Variants in IGF1R observed in about 807,000 individuals in gnomAD.
The protein encoded by IGF1R is insulin like growth factor 1 receptor.
In IGF1R, 44 loss-of-function variants were observed where a neutral mutation model predicts 144.6. The observed-to-expected ratio is 0.30, with a 90% CI of 0.24 to 0.39. The LOEUF (loss-of-function observed/expected upper bound fraction) is 0.39. Among genes scored for constraint, IGF1R ranks in the 10% least tolerant of loss-of-function variants. IGF1R has a pLI of 1.00. For synonymous variants in IGF1R, 795 were observed against 722.8 expected (o/e 1.10, Z -1.60); for missense variants, 1,355 against 1,833.7 (o/e 0.74, Z 4.77).
intron 5 of IGF1R, among the ~76,000 whole-genome samples, chr15:98,900,982 T>G (rs2014453155): frequency 6.6e-6 from 1 of 152,246 alleles, no homozygotes; most frequent in African/African-American, 2.4e-5. Context: ...GAGGAGAGTT[T>G]AATTAATTTC....
rs558124934 is a variant in IGF1R at position 98,707,468 on chromosome 15, A to C, written c.95-94A>C. ...AACCTCATTTCTTTAATAATAATACAGGATTCCTGAAAACCAACTGTATTA... is the reference window on the plus strand; with the variant it reads ...AACCTCATTTCTTTAATAATAATACCGGATTCCTGAAAACCAACTGTATTA... On this transcript the variant is annotated intron_variant, in intron 1 of 20. Transcript: ENST00000650285. This position sits in a 1 kb window ranked among gnomAD's most constrained non-coding sequence, Gnocchi z 6.7. The C allele has an allele frequency of 8.1e-7, 1 of 1,233,974 alleles. No individual in the cohort carries two copies. Among genetic ancestry groups the C allele is most frequent in the Non-Finnish European group, 1.2e-6 (1 of 858,866 alleles). 76.4% of individuals were successfully genotyped at this position (1,233,974 alleles called of 1,614,324 possible).
chr15:98,885,902 C>T (rs1361061916), intron 2 of IGF1R, among the ~76,000 whole-genome samples: 5 of 151,402 alleles, frequency 3.3e-5, no homozygotes, highest in South Asian at 2.1e-4. Flanking sequence ...CTGCAACCTC[C>T]GCCTCCTGGG....
intron 2 of IGF1R, among the ~76,000 whole-genome samples, chr15:98,845,494 C>G (rs2011285114): frequency 8.1e-6 from 1 of 123,786 alleles, no homozygotes; most frequent in African/African-American, 3.0e-5. Context: ...CTCCTCCTTC[C>G]TTCTCCTCCT....
intron 2 of IGF1R, among the ~76,000 whole-genome samples, chr15:98,821,410 T>C (rs908281909): frequency 6.6e-6 from 1 of 152,114 alleles, no homozygotes; most frequent in Non-Finnish European, 1.5e-5. Context: ...TAATAGTAAG[T>C]AGACCGTGAA....
intron 1 of IGF1R, among the ~76,000 whole-genome samples, chr15:98,668,280 G>A (rs1188085658): frequency 6.6e-6 from 1 of 152,144 alleles, no homozygotes; most frequent in African/African-American, 2.4e-5. Context: ...GTATCTGGGG[G>A]TTGGGGCTTC....
At chr15:98,701,582 T>C (rs938133306) in intron 1 of IGF1R, among the ~76,000 whole-genome samples, 2 of 152,106 alleles carry the variant, frequency 1.3e-5, no homozygotes, top group African/African-American at 2.4e-5. Context: ...CCCGTGATCC[T>C]ACCGCCTCGG....
At chr15:98,924,890 C>G (rs918789150) in intron 13 of IGF1R, among the ~76,000 whole-genome samples, 4 of 152,090 alleles carry the variant, frequency 2.6e-5, no homozygotes, top group Admixed American at 1.3e-4. Context: ...GGGCTCCTAC[C>G]TCATGTGGCA....
At chr15:98,672,280 T>A (rs1473686683) in intron 1 of IGF1R, among the ~76,000 whole-genome samples, 2 of 152,182 alleles carry the variant, frequency 1.3e-5, no homozygotes, top group Non-Finnish European at 2.9e-5. Flanking sequence ...AAAATGTAGA[T>A]AAGGCTGGGT....
chr15:98,818,924 G>C (rs2056751556), intron 2 of IGF1R, among the ~76,000 whole-genome samples: 1 of 152,204 alleles, frequency 6.6e-6, no homozygotes, highest in Admixed American at 6.5e-5. Context: ...AGCCTGAAGG[G>C]AATGGAGACT....
chr15:98,836,524 A>T (rs981289368), intron 2 of IGF1R, among the ~76,000 whole-genome samples: 46 of 128,946 alleles, frequency 3.6e-4, no homozygotes, highest in Non-Finnish European at 5.3e-4. Context: ...GTCTCTTTAA[A>T]AAAAAAAAAA....
chr15:98,837,634 C>T (rs900331548), intron 2 of IGF1R, among the ~76,000 whole-genome samples: 6 of 150,938 alleles, frequency 4.0e-5, no homozygotes, highest in African/African-American at 1.5e-4. Flanking sequence ...GGCCAAGGTC[C>T]TGTTTCTCAT....
intron 2 of IGF1R, among the ~76,000 whole-genome samples, chr15:98,710,623 A>G (rs1405501636): frequency 2.0e-5 from 3 of 152,030 alleles, no homozygotes; most frequent in African/African-American, 7.2e-5. Context: ...TATTAGATTA[A>G]GTAAAATGTG....
At chr15:98,790,343 C>G (rs117634000) in intron 2 of IGF1R, among the ~76,000 whole-genome samples, 5 of 152,186 alleles carry the variant, frequency 3.3e-5, no homozygotes, top group African/African-American at 1.2e-4. Flanking sequence ...TTTGTCCTCC[C>G]TCTTCTTACA....
At chr15:98,713,060 G>A (rs926874915) in intron 2 of IGF1R, among the ~76,000 whole-genome samples, 14 of 151,612 alleles carry the variant, frequency 9.2e-5, no homozygotes, top group Non-Finnish European at 1.6e-4. Context: ...ACTCCCTCCC[G>A]CCTGCCTGCT....
chr15:98,828,682 C>G (rs938053500), intron 2 of IGF1R, among the ~76,000 whole-genome samples: 4 of 151,644 alleles, frequency 2.6e-5, no homozygotes, highest in African/African-American at 9.7e-5. Flanking sequence ...TCTGTGAAGA[C>G]ACACAGACAT....
chr15:98,689,912 T>A (rs1218987719), intron 1 of IGF1R, among the ~76,000 whole-genome samples: 4 of 152,174 alleles, frequency 2.6e-5, no homozygotes, highest in African/African-American at 9.7e-5. Context: ...AGGAGAGGGA[T>A]CCTGTGCCAT....
rs765660217 is a variant in IGF1R at position 98,913,138 on chromosome 15, G to T, written c.1684G>T (p.Val562Leu). 3.7e-6 allele frequency: 6 copies of T among 1,614,230 alleles called. No homozygotes were observed. The highest frequency in any genetic ancestry group is 1.1e-5 in the South Asian group (1 of 91,092). The change falls in exon 8 of 21, where the codon GTG (valine) becomes TTG (leucine). Residue 562 changes from valine to leucine, a missense_variant. Val to Leu is a conservative substitution (Grantham distance 32, BLOSUM62 1). Coordinates refer to ENST00000650285, the MANE Select transcript of IGF1R (RefSeq NM_000875.5). Reference sequence around the variant, plus strand: ...CGTGGACCTCCCGCCCAACAAGGACGTGGAGCCCGGCATCTTACTACATGG... The same window carrying T: ...CGTGGACCTCCCGCCCAACAAGGACTTGGAGCCCGGCATCTTACTACATGG... ...VDVDLPPNKD[V>L]EPGILLHGLK...
In IGF1R at chr15:98,960,450, G is replaced by C. The variant is rs998002958; in HGVS notation, c.*3008G>C. On this transcript the variant is annotated 3_prime_UTR_variant, in exon 21 of 21. Transcript: ENST00000650285. ...GTTGTCTTTGGAACAAACTGCTTCT[G>C]TGCAGATGGAATGACCAACACATTT... The C allele has an allele frequency of 4.4e-6, 1 of 227,846 alleles. No homozygotes were observed. The highest frequency in any genetic ancestry group is 8.7e-6 in the Non-Finnish European group (1 of 115,074). The allele number at this position is 227,846 out of a possible 1,614,324, so 14.1% of individuals were successfully genotyped here.
At chr15:98,804,580 C>T (rs929617424) in intron 2 of IGF1R, among the ~76,000 whole-genome samples, 1 of 152,136 alleles carries the variant, frequency 6.6e-6, no homozygotes, top group African/African-American at 2.4e-5. Context: ...GAGAGCAGCG[C>T]ACACACAGCA....
Sources: allele counts gnomAD v4.1 joint callset (sites outside exome capture counted in the v4.1 genomes callset), GRCh38; gene constraint gnomAD v4.1.1; non-coding constraint Gnocchi (gnomAD v3.1); transcripts MANE v1.5; gene names NCBI Gene and HGNC (gene_info 2026-07-23, HGNC 2026-07-21).